The following TMEM233 variants were observed in gnomAD, a reference collection of about 807,000 sequenced individuals.
TMEM233 encodes the protein transmembrane protein 233.
In TMEM233, 6 loss-of-function variants were observed where a neutral mutation model predicts 11.2. The observed-to-expected ratio is 0.54, with a 90% CI of 0.29 to 1.06. The LOEUF (loss-of-function observed/expected upper bound fraction) is 1.06, where lower values mean the gene tolerates loss of function less well. TMEM233 is among the 50% of genes least tolerant of loss of function. The probability of loss-of-function intolerance (pLI) is 0.08; values close to 1 mark genes in which losing one functional copy is unlikely to be tolerated. For missense variants in TMEM233, 127 were observed against 144.7 expected (o/e 0.88, Z 0.63); for synonymous variants, 59 against 55.8 (o/e 1.06, Z -0.26).
intron 1 of TMEM233, among the ~76,000 whole-genome samples, chr12:119,596,785 G>T (rs879617385): frequency 6.6e-6 from 1 of 152,068 alleles, no homozygotes; most frequent in Non-Finnish European, 1.5e-5. Context: ...GAGCCACTGC[G>T]CCCGGCCAAG....
intron 2 of TMEM233, among the ~76,000 whole-genome samples, chr12:119,638,412 A>G (rs911273635): frequency 1.5e-4 from 23 of 152,192 alleles, no homozygotes; most frequent in African/African-American, 5.1e-4. Context: ...GCAGTCCGCT[A>G]TAATTGTGCC....
chr12:119,647,298 G>A (rs910542642), downstream of TMEM233, among the ~76,000 whole-genome samples: 7 of 152,150 alleles, frequency 4.6e-5, no homozygotes, highest in African/African-American at 1.7e-4. Context: ...ACTTTGCCTC[G>A]ACAAGCAGGC....
At chr12:119,627,097 C>T (rs1319878350) in intron 1 of TMEM233, among the ~76,000 whole-genome samples, 1 of 152,200 alleles carries the variant, frequency 6.6e-6, no homozygotes, top group Non-Finnish European at 1.5e-5. Context: ...TGCTATTTAT[C>T]AGTGAGTACA....
chr12:119,608,218 T>C (rs931518777), intron 1 of TMEM233, among the ~76,000 whole-genome samples: 3 of 152,172 alleles, frequency 2.0e-5, no homozygotes, highest in African/African-American at 7.2e-5. Context: ...ACTTTTTGGA[T>C]CTATCTCCCA....
chr12:119,631,700 A>G lies in TMEM233; in HGVS notation c.323+1828A>G, dbSNP rs947342487. ...GGTTTAATGGTGCAGTTTTGGCACCAGACTGCCTGGACCCAGGTCCCAGTC... is the reference window on the plus strand; with the variant it reads ...GGTTTAATGGTGCAGTTTTGGCACCGGACTGCCTGGACCCAGGTCCCAGTC... On this transcript the variant is annotated intron_variant, in intron 2 of 2. Coordinates refer to ENST00000426426, the MANE Select transcript of TMEM233 (RefSeq NM_001136534.3). 7 of 983,030 alleles carry G rather than the reference A, an allele frequency of 7.1e-6. No homozygotes were observed. The African/African-American group carries it at 1.2e-4, about 17-fold the overall frequency. The allele number at this position is 983,030 out of a possible 1,614,324, so 60.9% of individuals were successfully genotyped here.
downstream of TMEM233, among the ~76,000 whole-genome samples, chr12:119,646,661 C>T (rs1440798449): frequency 6.6e-6 from 1 of 152,184 alleles, no homozygotes; most frequent in African/African-American, 2.4e-5. Context: ...TTATCTACCT[C>T]CTCCCCTTAA....
Position 119,594,422 on chromosome 12 carries a change from C to T in TMEM233, c.186+388C>T, listed in dbSNP as rs984851746. ...TTTTCTAGAGCCCCAGTGCGCGCCA[C>T]CCTAGCGAGCGCAGTAAGCTCATAC... On this transcript the variant is annotated intron_variant, in intron 1 of 2. Transcript: ENST00000426426. This position sits in a 1 kb window ranked among gnomAD's most constrained non-coding sequence, Gnocchi z 5.6. 4 of 197,636 alleles carry T rather than the reference C, an allele frequency of 2.0e-5. No homozygotes were observed. In the Admixed American group the frequency reaches 2.2e-4, roughly 11 times the overall value. The allele number at this position is 197,636 out of a possible 1,614,324, so 12.2% of individuals were successfully genotyped here. A position where few individuals can be genotyped will look rare whatever the true frequency, so the allele number is the denominator to read the frequency against.
At chr12:119,652,761 C>G in the TMEM233 span, among the ~76,000 whole-genome samples, 1 of 152,188 alleles carries the variant, frequency 6.6e-6, no homozygotes, top group South Asian at 2.1e-4. Context: ...AACCAAAAAG[C>G]TGGAGGAGAA....
At chr12:119,650,239 A>G in the TMEM233 span, among the ~76,000 whole-genome samples, 1 of 152,166 alleles carries the variant, frequency 6.6e-6, no homozygotes, top group African/African-American at 2.4e-5. Flanking sequence ...AACCTTTGAC[A>G]TGATCTCTCA....
intron 2 of TMEM233, among the ~76,000 whole-genome samples, chr12:119,633,107 G>C (rs1954917226): frequency 6.6e-6 from 1 of 152,104 alleles, no homozygotes; most frequent in African/African-American, 2.4e-5. Context: ...GTTCACAAAG[G>C]TTAGAGCCTA....
At chr12:119,639,689 T>C (rs573076167) in intron 2 of TMEM233, among the ~76,000 whole-genome samples, 1 of 152,278 alleles carries the variant, frequency 6.6e-6, no homozygotes, top group African/African-American at 2.4e-5. Flanking sequence ...CCAGTCCAGG[T>C]GCTTCCTCTA....
At chr12:119,621,041 T>C (rs1170491581) in intron 1 of TMEM233, among the ~76,000 whole-genome samples, 1 of 110,358 alleles carries the variant, frequency 9.1e-6, no homozygotes, top group Non-Finnish European at 1.8e-5. Context: ...CCACCATACC[T>C]GGCTTTTTTT....
chr12:119,650,082 C>T, the TMEM233 span, among the ~76,000 whole-genome samples: 23 of 146,940 alleles, frequency 1.6e-4, no homozygotes, highest in African/African-American at 5.8e-4. Flanking sequence ...GGCGTGAACC[C>T]GGGAGGCGGA....
At chr12:119,625,578 G>C (rs1225583790) in intron 1 of TMEM233, among the ~76,000 whole-genome samples, 1 of 151,874 alleles carries the variant, frequency 6.6e-6, no homozygotes, top group African/African-American at 2.4e-5. Context: ...ACAACTGTTG[G>C]GTGACTCTCA....
Position 119,594,745 on chromosome 12 carries a change from C to G in TMEM233, c.186+711C>G, listed in dbSNP as rs1953999646. Among the ~76,000 whole-genome samples the G allele has an allele frequency of 6.6e-6, 1 of 152,206 alleles. No homozygotes were observed. The highest frequency in any genetic ancestry group is 2.1e-4 in the South Asian group (1 of 4,838). ...CGCCCCCTTTTTAACGCGCCCGAGG[C>G]TGGCTCACACCCACTACCTCTTTAG... is the stretch of plus-strand genomic sequence containing the variant. On this transcript the variant is annotated intron_variant, in intron 1 of 2. Coordinates refer to ENST00000426426, the MANE Select transcript of TMEM233 (RefSeq NM_001136534.3). This position sits in a 1 kb window ranked among gnomAD's most constrained non-coding sequence, Gnocchi z 5.6.
intron 2 of TMEM233, among the ~76,000 whole-genome samples, chr12:119,633,591 A>C (rs1954925498): frequency 6.6e-6 from 1 of 152,132 alleles, no homozygotes; most frequent in Admixed American, 6.5e-5. Context: ...TGTCTCAAAA[A>C]CTAAATAAAT....
At chr12:119,634,482 G>A (rs927361362) in intron 2 of TMEM233, among the ~76,000 whole-genome samples, 10 of 151,900 alleles carry the variant, frequency 6.6e-5, no homozygotes, top group South Asian at 4.2e-4. Context: ...GTTTGGTGGC[G>A]CATACCTGTC....
chr12:119,609,443 A>G (rs1954350597), intron 1 of TMEM233, among the ~76,000 whole-genome samples: 1 of 152,238 alleles, frequency 6.6e-6, no homozygotes, highest in Admixed American at 6.5e-5. Context: ...ACCAGGAGCC[A>G]AATGTTAATC....
At chr12:119,605,630 T>C (rs1166197868) in intron 1 of TMEM233, among the ~76,000 whole-genome samples, 5 of 151,960 alleles carry the variant, frequency 3.3e-5, no homozygotes, top group Admixed American at 1.3e-4. Context: ...TGGTTCACCA[T>C]GTTGCCCAGG....
Sources: allele counts gnomAD v4.1 joint callset (sites outside exome capture counted in the v4.1 genomes callset), GRCh38; gene constraint gnomAD v4.1.1; non-coding constraint Gnocchi (gnomAD v3.1); transcripts MANE v1.5; gene names NCBI Gene and HGNC (gene_info 2026-07-23, HGNC 2026-07-21).